DERPC: variants seen among roughly 807,000 people sequenced by gnomAD.
DERPC encodes DERPC proline and glycine rich nuclear protein, also known as decreased expression in renal and prostate cancer protein.
A neutral mutation model predicts 7.2 loss-of-function variants in DERPC; 1 was observed. The observed-to-expected ratio is 0.14, with a 90% CI of 0.05 to 0.66. The LOEUF is 0.66. Ranked by LOEUF, DERPC falls within the 30% of genes least tolerant of loss-of-function variation. DERPC has a pLI of 0.84. For missense variants in DERPC, 502 were observed against 299.4 expected (o/e 1.68, Z -4.99); for synonymous variants, 185 against 117.6 (o/e 1.57, Z -3.71).
At position 69,119,905 on chromosome 16, in the gene DERPC, C is replaced by T. The variant is rs1163628930; in HGVS notation, c.524G>A (p.Gly175Asp). Residue 175 changes from glycine to aspartate, a missense_variant, in exon 3 of 3, where the codon GGT (glycine) becomes GAT (aspartate). Coordinates refer to ENST00000519520, the MANE Select transcript of DERPC (RefSeq NM_001002847.4). ...AGGTCCAGATCCAGGGCCCATGGGA[C>T]CACCACCTCTGGGGTCAGGACCTGC... ...LGAGPDPRGG[G>D]PMGPGSGPNL... 4 of 702,352 alleles carry T rather than the reference C, an allele frequency of 5.7e-6. No individual in the cohort carries two copies. The highest frequency in any genetic ancestry group is 3.0e-5 in the South Asian group (2 of 67,556). 43.5% of individuals were successfully genotyped at this position (702,352 alleles called of 1,614,324 possible).
At chr16:69,132,439 C>T (rs1962620722) in intron 1 of DERPC, 45 bp downstream of exon 1, 1 of 181,728 alleles carries the variant, frequency 5.5e-6, no homozygotes, top group Non-Finnish European at 1.1e-5. Flanking sequence ...CCCGGCTCGG[C>T]CCTCGCTCCC....
Position 69,124,110 on chromosome 16 carries a change from G to GA in DERPC, c.-279-2618dup, listed in dbSNP as rs548522836. Among the ~76,000 whole-genome samples the GA allele has an allele frequency of 3.6e-3, 501 of 138,208 alleles. 7 individuals are homozygous for GA. In the East Asian group the frequency reaches 0.041, roughly 11 times the overall value. 90.7% of individuals were successfully genotyped at this position (138,208 alleles called of 152,430 possible). On this transcript the variant is annotated intron_variant, in intron 1 of 2. Transcript: ENST00000519520. Reference sequence around the variant, plus strand: ...AAGAGCAAGACTCTGTCTCAAAGGGGAAAAAAAAAAAAAGGATAATATGCT... The same window carrying GA: ...AAGAGCAAGACTCTGTCTCAAAGGGGAAAAAAAAAAAAAAGGATAATATGCT...
chr16:69,124,174 T>C (rs74025373), intron 1 of DERPC, among the ~76,000 whole-genome samples: 17 of 151,974 alleles, frequency 1.1e-4, no homozygotes, highest in African/African-American at 4.1e-4. Context: ...GGTGGCAAAC[T>C]TGGAGTACTT....
In DERPC at chr16:69,118,039, G is replaced by A; in HGVS notation, c.*815C>T. The A allele has an allele frequency of 2.5e-6, 1 of 397,100 alleles. No individual in the cohort carries two copies. The highest frequency in any genetic ancestry group is 3.2e-5 in the South Asian group (1 of 30,888). 24.6% of individuals were successfully genotyped at this position (397,100 alleles called of 1,614,324 possible). A position where few individuals can be genotyped will look rare whatever the true frequency, so the allele number is the denominator to read the frequency against. ...TCTCATCCCATTTATTAAAGAAACAGTAAGAAAAGATACAATGCAGGAAAA... is the reference window on the plus strand; with the variant it reads ...TCTCATCCCATTTATTAAAGAAACAATAAGAAAAGATACAATGCAGGAAAA... On this transcript the variant is annotated 3_prime_UTR_variant, in exon 3 of 3. Coordinates refer to ENST00000519520, the MANE Select transcript of DERPC (RefSeq NM_001002847.4).
intron 1 of DERPC, 131 bp from the exon 2 acceptor site, chr16:69,121,624 C>A: frequency 1.8e-6 from 1 of 568,826 alleles, no homozygotes; most frequent in Non-Finnish European, 3.2e-6. Context: ...AATACAGGCA[C>A]CCACCACTAT....
chr16:69,123,968 G>A (rs1028932812), intron 1 of DERPC, among the ~76,000 whole-genome samples: 1 of 151,500 alleles, frequency 6.6e-6, no homozygotes, highest in South Asian at 2.1e-4. Flanking sequence ...GCTGGGTGTG[G>A]TGGCGCACGC....
rs746678304 is a variant in DERPC, at chr16:69,120,379, C to T, written c.50G>A (p.Arg17His). The change falls in exon 3 of 3, where the codon CGT becomes CAT. Residue 17 changes from arginine to histidine, a missense_variant. Physicochemically the swap from Arg to His is conservative, Grantham distance 29 (BLOSUM62 0). Coordinates refer to ENST00000519520, the MANE Select transcript of DERPC (RefSeq NM_001002847.4). This position sits in a 1 kb window ranked among gnomAD's most constrained non-coding sequence, Gnocchi z 4.0. ...FPRERPTPWT[R>H]APLPPRGRLD... Reference sequence around the variant, plus strand: ...CCGTCCTCGAGGTGGCAGCGGAGCACGAGTCCAAGGAGTTGGCCGCTCTCT... The same window carrying T: ...CCGTCCTCGAGGTGGCAGCGGAGCATGAGTCCAAGGAGTTGGCCGCTCTCT... The T allele has an allele frequency of 8.8e-6, 14 of 1,588,648 alleles. No homozygotes were observed. Among genetic ancestry groups the T allele is most frequent in the Admixed American group, 1.7e-5 (1 of 59,902 alleles).
In DERPC at chr16:69,120,728, G is replaced by T; in HGVS notation, c.-221-79C>A. The T allele has an allele frequency of 7.9e-7, 1 of 1,267,502 alleles. No homozygotes were observed. The highest frequency in any genetic ancestry group is 1.1e-6 in the Non-Finnish European group (1 of 892,690). The allele number at this position is 1,267,502 out of a possible 1,614,324, so 78.5% of individuals were successfully genotyped here. A position where few individuals can be genotyped will look rare whatever the true frequency, so the allele number is the denominator to read the frequency against. On this transcript the variant is annotated intron_variant, in intron 2 of 2. Coordinates refer to ENST00000519520, the MANE Select transcript of DERPC (RefSeq NM_001002847.4). The surrounding 1 kb of genome is among the most constrained non-coding windows in gnomAD (Gnocchi z 4.0). ...TCAGGCGCCTCCTAAAGCTGCTCTT[G>T]GCAGGCTATGCTGGCACCTCCAATC...
chr16:69,123,429 G>A (rs139206798), intron 1 of DERPC, among the ~76,000 whole-genome samples: 3,474 of 152,096 alleles, frequency 0.023, 141 homozygotes, highest in African/African-American at 0.079. Context: ...AGGCTGAGGC[G>A]GTGGGTCACT....
rs571133105 is a variant in DERPC, at chr16:69,124,107, G to T, written c.-279-2614C>A. On this transcript the variant is annotated intron_variant, in intron 1 of 2. Transcript: ENST00000519520. Reference sequence around the variant, plus strand: ...CAGAAGAGCAAGACTCTGTCTCAAAGGGGAAAAAAAAAAAAAGGATAATAT... The same window carrying T: ...CAGAAGAGCAAGACTCTGTCTCAAATGGGAAAAAAAAAAAAAGGATAATAT... 4.2e-3 allele frequency among the ~76,000 whole-genome samples: 626 copies of T among 148,224 alleles called. 4 individuals carry two copies. Among genetic ancestry groups the T allele is most frequent in the African/African-American group, 0.015 (596 of 39,880 alleles).
At chr16:69,127,319 AAG>A (rs1962141469) in intron 1 of DERPC, among the ~76,000 whole-genome samples, 6 of 152,136 alleles carry the variant, frequency 3.9e-5, no homozygotes, top group Admixed American at 3.3e-4. Context: ...GAGTAGAAAA[AAG>A]AGGTGGGGAA....
chr16:69,124,251 G>A lies in DERPC; in HGVS notation c.-279-2758C>T, dbSNP rs573253519. On this transcript the variant is annotated intron_variant, in intron 1 of 2. Transcript: ENST00000519520. ...CTTTCTGTGATGCATAGATTCATGG[G>A]GGGCTGATAGGATCGGGGATAAAAC... 4.6e-5 allele frequency among the ~76,000 whole-genome samples: 7 copies of A among 152,190 alleles called. No homozygotes were observed. In the South Asian group the frequency reaches 1.2e-3, roughly 27 times the overall value.
rs761123744 is a variant in DERPC at position 69,121,455 on chromosome 16, C to G, written c.-241G>C. 1.2e-6 allele frequency: 2 copies of G among 1,602,844 alleles called. No individual in the cohort carries two copies. Among genetic ancestry groups the G allele is most frequent in the East Asian group, 4.5e-5 (2 of 44,856 alleles). ...ACTTACCTGGAAATAACAATTTGCA[C>G]CATGAGCTTTCTGTCTTTAAAAAGC... On this transcript the variant is annotated 5_prime_UTR_variant, in exon 2 of 3. Transcript: ENST00000519520.
chr16:69,130,839 T>A (rs532230811), intron 1 of DERPC, among the ~76,000 whole-genome samples: 1 of 152,338 alleles, frequency 6.6e-6, no homozygotes, highest in South Asian at 2.1e-4. Context: ...GTCATCAGAA[T>A]AAAATCAAGT....
At chr16:69,121,414 TA>T in intron 2 of DERPC, 21 bp downstream of exon 2, 1 of 1,596,284 alleles carries the variant, frequency 6.3e-7, no homozygotes. Context: ...AGCCAAATTT[TA>T]AAATCTCAAA....
At chr16:69,123,972 C>G (rs920839254) in intron 1 of DERPC, among the ~76,000 whole-genome samples, 3 of 148,488 alleles carry the variant, frequency 2.0e-5, no homozygotes, top group African/African-American at 5.0e-5. Flanking sequence ...GGTGTGGTGG[C>G]GCACGCCTGC....
Position 69,120,750 on chromosome 16 carries a change from A to T in DERPC, c.-221-101T>A, listed in dbSNP as rs1597109368. ...CTTGGCAGGCTATGCTGGCACCTCC[A>T]ATCCCTGGTCTGGCTCTGCCATTGT... On this transcript the variant is annotated intron_variant, in intron 2 of 2. Coordinates refer to ENST00000519520, the MANE Select transcript of DERPC (RefSeq NM_001002847.4). This position sits in a 1 kb window ranked among gnomAD's most constrained non-coding sequence, Gnocchi z 4.0. 10 of 1,020,750 alleles carry T rather than the reference A, an allele frequency of 9.8e-6. No homozygotes were observed. In the East Asian group the frequency reaches 2.4e-4, roughly 25 times the overall value. The allele number at this position is 1,020,750 out of a possible 1,614,324, so 63.2% of individuals were successfully genotyped here.
chr16:69,130,127 G>T (rs950860547), intron 1 of DERPC, among the ~76,000 whole-genome samples: 1 of 152,178 alleles, frequency 6.6e-6, no homozygotes, highest in Non-Finnish European at 1.5e-5. Flanking sequence ...GTCTTACAGA[G>T]AACAGAACAG....
intron 1 of DERPC, among the ~76,000 whole-genome samples, chr16:69,129,045 CAG>C (rs1962295680): frequency 6.6e-6 from 1 of 151,518 alleles, no homozygotes; most frequent in African/African-American, 2.4e-5. Context: ...GCCTGGGTGA[CAG>C]AGCAAGATTC....
Sources: gnomAD v4.1 joint callset for allele counts (sites outside exome capture counted in the v4.1 genomes callset) on GRCh38, gnomAD v4.1.1 for gene constraint, Gnocchi (gnomAD v3.1) non-coding constraint, MANE v1.5 for transcripts, NCBI Gene and HGNC (gene_info 2026-07-23, HGNC 2026-07-21) for gene names.